Variants in ABCG5 observed in about 807,000 individuals in gnomAD.
ABCG5 encodes the protein ATP binding cassette subfamily G member 5.
A neutral mutation model predicts 64.5 loss-of-function variants in ABCG5; 64 were observed. That is an observed-to-expected ratio of 0.99 (90% CI 0.81 to 1.22). ABCG5 has a LOEUF of 1.22. ABCG5 is among the 50% of genes most tolerant of loss of function. The pLI is 0.00. For missense variants in ABCG5, 908 were observed against 829.5 expected (o/e 1.09, Z -1.16); for synonymous variants, 385 against 326.3 (o/e 1.18, Z -1.94).
chr2:43,808,825 C>T (rs1666369960), downstream of ABCG5, among the ~76,000 whole-genome samples: 1 of 152,176 alleles, frequency 6.6e-6, no homozygotes, highest in South Asian at 2.1e-4. Context: ...ATTATTTAAT[C>T]AGTCCTTACT....
chr2:43,839,152 GGGC>G, upstream of ABCG5: 3 of 1,549,164 alleles, frequency 1.9e-6, no homozygotes, highest in Non-Finnish European at 2.6e-6. Flanking sequence ...CAGGCCTGGT[GGGC>G]GGGTAGGAGA....
rs573502874 is a variant in ABCG5, at chr2:43,823,878, A to G, written c.1324+35T>C. The G allele has an allele frequency of 5.3e-5, 85 of 1,607,960 alleles. No homozygotes were observed. In the East Asian group the frequency reaches 1.3e-3, roughly 25 times the overall value. On this transcript the variant is annotated intron_variant, in intron 9 of 12. Coordinates refer to ENST00000405322, the MANE Select transcript of ABCG5 (RefSeq NM_022436.3). Reference sequence around the variant, plus strand: ...AGCTGGAGAAGGGAGGTATTTAGGGAGAAAGAGGTGCACCTCCAGCACGTG... The same window carrying G: ...AGCTGGAGAAGGGAGGTATTTAGGGGGAAAGAGGTGCACCTCCAGCACGTG...
intron 9 of ABCG5, 145 bp downstream of exon 9, chr2:43,823,768 T>C: frequency 1.2e-6 from 1 of 863,934 alleles, no homozygotes; most frequent in South Asian, 1.8e-5. Context: ...ACTCAATAGT[T>C]GCCTTTCCCC....
At chr2:43,828,559 T>G in intron 4 of ABCG5, 1 of 348,844 alleles carries the variant, frequency 2.9e-6, no homozygotes. Flanking sequence ...CTACTCAGGA[T>G]GCTTAGGCAG....
At chr2:43,828,227 C>G in intron 4 of ABCG5, 112 bp from the exon 5 acceptor site, 1 of 1,436,472 alleles carries the variant, frequency 7.0e-7, no homozygotes, top group Non-Finnish European at 9.6e-7. Flanking sequence ...ATCCAAGGGC[C>G]ACTTCCAGAC....
At chr2:43,822,477 GGCCCC>G in intron 10 of ABCG5, 1 of 349,190 alleles carries the variant, frequency 2.9e-6, no homozygotes, top group Non-Finnish European at 3.7e-6. Context: ...CCCTCCCCCA[GGCCCC>G]CCCCCATGCA....
chr2:43,807,496 A>G (rs1011079406), downstream of ABCG5, among the ~76,000 whole-genome samples: 9 of 151,720 alleles, frequency 5.9e-5, no homozygotes, highest in African/African-American at 2.2e-4. Context: ...CTGGAGTGCA[A>G]TGGGGAGATC....
At chr2:43,834,690 T>TAATG (rs1668152899) in intron 2 of ABCG5, among the ~76,000 whole-genome samples, 1 of 152,216 alleles carries the variant, frequency 6.6e-6, no homozygotes, top group African/African-American at 2.4e-5. Flanking sequence ...ATCATAAGGT[T>TAATG]AATGCCCTAA....
chr2:43,824,839 G>A (rs1375284148), intron 7 of ABCG5, 50 bp downstream of exon 7: 3 of 1,608,222 alleles, frequency 1.9e-6, no homozygotes, highest in Non-Finnish European at 1.7e-6. Flanking sequence ...AGTCTGAGAT[G>A]AGAAAGTTTA....
chr2:43,822,479 C>CA (rs57240390), intron 10 of ABCG5: 2 of 668,666 alleles, frequency 3.0e-6, no homozygotes, highest in African/African-American at 4.6e-5. Flanking sequence ...CTCCCCCAGG[C>CA]CCCCCCCCAT....
At chr2:43,809,261 G>C (rs933342585), downstream of ABCG5, among the ~76,000 whole-genome samples, 1 of 151,970 alleles carries the variant, frequency 6.6e-6, no homozygotes, top group African/African-American at 2.4e-5. Flanking sequence ...CAAAGTGCTG[G>C]GACTATAGGA....
chr2:43,806,577 A>G, the ABCG5 span, among the ~76,000 whole-genome samples: 1 of 152,224 alleles, frequency 6.6e-6, no homozygotes, highest in Non-Finnish European at 1.5e-5. Flanking sequence ...GCCTGGCTAT[A>G]AGGATTAGTT....
downstream of ABCG5, among the ~76,000 whole-genome samples, chr2:43,807,904 A>G (rs561380332): frequency 7.2e-5 from 11 of 152,230 alleles, no homozygotes; most frequent in South Asian, 2.3e-3. Context: ...TTGAAGATCT[A>G]GTGGACTTGG....
At position 43,826,309 on chromosome 2, in the gene ABCG5, A is replaced by T. The variant is rs143173715; in HGVS notation, c.774+73T>A. 1.3e-3 allele frequency: 2,033 copies of T among 1,608,456 alleles called. 15 individuals are homozygous for T. In the African/African-American group the frequency reaches 0.02, roughly 16 times the overall value. ...GCCACTGTGCCTGGCCACTGGTACAAATCTTGCCCCTGCCCCTGTGATTCC... is the reference window on the plus strand; with the variant it reads ...GCCACTGTGCCTGGCCACTGGTACATATCTTGCCCCTGCCCCTGTGATTCC... On this transcript the variant is annotated intron_variant, in intron 6 of 12. Transcript: ENST00000405322.
At chr2:43,836,497 A>G (rs894391735) in intron 2 of ABCG5, among the ~76,000 whole-genome samples, 30 of 152,222 alleles carry the variant, frequency 2.0e-4, no homozygotes, top group African/African-American at 6.3e-4. Flanking sequence ...TTTTAACCTT[A>G]AAATGTAGAT....
chr2:43,818,211 G>A (rs1666967953), intron 11 of ABCG5, among the ~76,000 whole-genome samples: 1 of 152,134 alleles, frequency 6.6e-6, no homozygotes, highest in Non-Finnish European at 1.5e-5. Context: ...TAGCACTTTG[G>A]GAGGCCGAGG....
intron 4 of ABCG5, chr2:43,828,593 T>C (rs181796759): frequency 2.2e-4 from 72 of 328,302 alleles, no homozygotes; most frequent in African/African-American, 1.3e-3. Flanking sequence ...TCCCAGGACG[T>C]TGAGACCACA....
chr2:43,823,282 C>A (rs1221955607), intron 9 of ABCG5, among the ~76,000 whole-genome samples: 1 of 143,520 alleles, frequency 7.0e-6, no homozygotes, highest in African/African-American at 2.6e-5. Flanking sequence ...CCCCACCCCA[C>A]CCCGCCCCCA....
intron 6 of ABCG5, 138 bp from the exon 7 acceptor site, chr2:43,825,156 A>T: frequency 9.6e-7 from 1 of 1,039,150 alleles, no homozygotes; most frequent in South Asian, 1.4e-5. Context: ...TGCATTTCCC[A>T]TAAGCAGTCA....
Sources: allele counts gnomAD v4.1 joint callset (sites outside exome capture counted in the v4.1 genomes callset), GRCh38; gene constraint gnomAD v4.1.1; transcripts MANE v1.5; gene names NCBI Gene and HGNC (gene_info 2026-07-23, HGNC 2026-07-21).